The following ADAD1 variants were observed in gnomAD, a reference collection of about 807,000 sequenced individuals.
ADAD1 encodes the protein adenosine deaminase domain containing 1, also known as adenosine deaminase domain-containing protein 1.
A neutral mutation model predicts 66.8 loss-of-function variants in ADAD1; 46 were observed. The observed-to-expected ratio is 0.69, with a 90% CI of 0.54 to 0.88. ADAD1 has a LOEUF of 0.88. Ranked by LOEUF, ADAD1 falls within the 40% of genes least tolerant of loss-of-function variation. The pLI is 0.00. For missense variants in ADAD1, 617 were observed against 681.8 expected (o/e 0.91, Z 1.06); for synonymous variants, 248 against 229.4 (o/e 1.08, Z -0.73).
intron 7 of ADAD1, among the ~76,000 whole-genome samples, chr4:122,406,153 A>G (rs1160818961): frequency 6.6e-6 from 1 of 152,198 alleles, no homozygotes; most frequent in Admixed American, 6.6e-5. Context: ...AGGAATCTCC[A>G]TAGTTTTCCA....
intron 12 of ADAD1, 56 bp downstream of exon 12, chr4:122,421,446 G>A (rs1796999034): frequency 1.5e-6 from 2 of 1,369,044 alleles, no homozygotes; most frequent in Admixed American, 2.3e-5. Context: ...ACATTAATGT[G>A]GTCATTTTAA....
intron 7 of ADAD1, among the ~76,000 whole-genome samples, chr4:122,400,119 T>G (rs1041862986): frequency 2.0e-5 from 3 of 152,144 alleles, no homozygotes; most frequent in Non-Finnish European, 4.4e-5. Context: ...ATTTCCCTGT[T>G]CAGTATAATG....
intron 11 of ADAD1, among the ~76,000 whole-genome samples, chr4:122,417,189 A>C (rs1796776799): frequency 6.6e-6 from 1 of 152,008 alleles, no homozygotes; most frequent in South Asian, 2.1e-4. Flanking sequence ...ACAAAAGATT[A>C]GCTGGGCATG....
chr4:122,391,626 G>A (rs551185626), intron 5 of ADAD1, among the ~76,000 whole-genome samples: 1 of 152,360 alleles, frequency 6.6e-6, no homozygotes, highest in South Asian at 2.1e-4. Context: ...GTTTAGGCCT[G>A]AAGAGGCCCT....
In ADAD1 at chr4:122,415,620, A is replaced by G. The variant is rs778805528; in HGVS notation, c.1487+4A>G. On this transcript the variant is annotated splice_donor_region_variant and intron_variant, in intron 11 of 12. Transcript: ENST00000296513. ...TGAGTGGGAAGATCACTGAAAGGTT[A>G]AAATTACTAATTTCTTTAAACCATA... 3.1e-6 allele frequency: 5 copies of G among 1,607,070 alleles called. No homozygotes were observed. In the South Asian group the frequency reaches 5.5e-5, roughly 18 times the overall value.
chr4:122,382,344 CTA>C (rs1794938408), intron 4 of ADAD1, among the ~76,000 whole-genome samples: 1 of 152,150 alleles, frequency 6.6e-6, no homozygotes, highest in Non-Finnish European at 1.5e-5. Flanking sequence ...TTTAATAGCT[CTA>C]TGTGTGATTT....
intron 7 of ADAD1, among the ~76,000 whole-genome samples, chr4:122,404,881 C>T (rs1274200476): frequency 3.3e-5 from 5 of 152,180 alleles, no homozygotes; most frequent in African/African-American, 1.2e-4. Context: ...TAGGCTAATT[C>T]TTCTACTTAA....
chr4:122,414,709 A>G (rs531594696), intron 10 of ADAD1, among the ~76,000 whole-genome samples: 1 of 152,156 alleles, frequency 6.6e-6, no homozygotes, highest in Non-Finnish European at 1.5e-5. Context: ...AGAAAGAGAT[A>G]TGCTTTAGAA....
chr4:122,420,240 T>A (rs1796940431), intron 11 of ADAD1, among the ~76,000 whole-genome samples: 1 of 152,236 alleles, frequency 6.6e-6, no homozygotes, highest in Non-Finnish European at 1.5e-5. Context: ...ACCTCAAAAC[T>A]TAGTTGTTTA....
chr4:122,381,224 A>C, intron 4 of ADAD1, 44 bp downstream of exon 4: 1 of 1,495,776 alleles, frequency 6.7e-7, no homozygotes, highest in African/African-American at 1.4e-5. Flanking sequence ...AACGAAAAGT[A>C]TAGCAAAATA....
At chr4:122,397,919 A>C (rs907215288) in intron 7 of ADAD1, among the ~76,000 whole-genome samples, 1 of 152,210 alleles carries the variant, frequency 6.6e-6, no homozygotes, top group Non-Finnish European at 1.5e-5. Flanking sequence ...GAGTGCAATC[A>C]GATGAACATT....
At chr4:122,429,478 T>G in intron 12 of ADAD1, 148 bp from the exon 13 acceptor site, 1 of 537,808 alleles carries the variant, frequency 1.9e-6, no homozygotes, top group Non-Finnish European at 3.2e-6. Flanking sequence ...AAGGAAATTT[T>G]TTAGCTTCAA....
rs1561527710 is a variant in ADAD1 at position 122,381,047 on chromosome 4, C to T, written c.228C>T (p.Val76=). Residue 76 remains valine (V), a synonymous_variant, in exon 4 of 13, where the codon GTC becomes GTT. Coordinates refer to ENST00000296513, the MANE Select transcript of ADAD1 (RefSeq NM_139243.4). ...ATCTTTCATCTATTTCAAATCCTGT[C>T]CTTCCTCCAAAAAAAATACCTAAGG... The part of the protein sequence containing the change: ...SKNLSSISNP[V]LPPKKIPKEF... 3 of 1,599,672 alleles carry T rather than the reference C, an allele frequency of 1.9e-6. No homozygotes were observed. Among genetic ancestry groups the T allele is most frequent in the South Asian group, 1.1e-5 (1 of 87,148 alleles).
chr4:122,424,505 T>C (rs920309436), intron 12 of ADAD1, among the ~76,000 whole-genome samples: 1 of 152,140 alleles, frequency 6.6e-6, no homozygotes, highest in Non-Finnish European at 1.5e-5. Context: ...TAAGCCAGTA[T>C]GAATCTGAAA....
chr4:122,412,941 C>A, intron 10 of ADAD1, 132 bp downstream of exon 10: 1 of 700,674 alleles, frequency 1.4e-6, no homozygotes, highest in Non-Finnish European at 2.3e-6. Context: ...CACAGATCTG[C>A]TGTTTTGTAG....
chr4:122,405,650 C>G (rs182358493), intron 7 of ADAD1, among the ~76,000 whole-genome samples: 32 of 152,284 alleles, frequency 2.1e-4, no homozygotes, highest in Middle Eastern at 3.4e-3. Context: ...TTATTATTAA[C>G]TGTAGTCTCC....
chr4:122,392,386 C>G (rs1471885691), intron 5 of ADAD1, among the ~76,000 whole-genome samples: 2 of 152,280 alleles, frequency 1.3e-5, no homozygotes, highest in Non-Finnish European at 2.9e-5. Flanking sequence ...AAAATAAAGT[C>G]ATGTCCTTTG....
chr4:122,412,507 C>G, intron 9 of ADAD1, 73 bp from the exon 10 acceptor site: 4 of 1,203,654 alleles, frequency 3.3e-6, no homozygotes, highest in Non-Finnish European at 4.8e-6. Context: ...TACAGAACAG[C>G]TGTTAGGTAC....
Position 122,396,233 on chromosome 4 carries a change from T to C in ADAD1, c.599-19T>C, listed in dbSNP as rs1795706560. 1 of 1,553,304 alleles carries C rather than the reference T, an allele frequency of 6.4e-7. No individual in the cohort carries two copies. The highest frequency in any genetic ancestry group is 8.7e-7 in the Non-Finnish European group (1 of 1,154,428). On this transcript the variant is annotated intron_variant, in intron 6 of 12. Coordinates refer to ENST00000296513, the MANE Select transcript of ADAD1 (RefSeq NM_139243.4). ...AGGAGCACAATGTTCTTGAAATTTA[T>C]GTTTTGATTTTTTTCTAGAAGGGAG...
Sources: gnomAD v4.1 joint callset for allele counts (sites outside exome capture counted in the v4.1 genomes callset) on GRCh38, gnomAD v4.1.1 for gene constraint, MANE v1.5 for transcripts, NCBI Gene and HGNC (gene_info 2026-07-23, HGNC 2026-07-21) for gene names.